AFF2: variants seen among roughly 807,000 people sequenced by gnomAD.
AFF2 encodes the protein AF4/FMR2 family member 2.
In AFF2, 14 loss-of-function variants were observed where a neutral mutation model predicts 76.9. The ratio of observed to expected loss-of-function variants is 0.18; its 90% CI spans 0.12 to 0.28. The LOEUF (loss-of-function observed/expected upper bound fraction) is 0.28, where lower values mean the gene tolerates loss of function less well. Among genes scored for constraint, AFF2 ranks in the 10% least tolerant of loss-of-function variants. The pLI is 1.00. For missense variants in AFF2, 868 were observed against 1,001.1 expected, an observed-to-expected ratio of 0.87 and a Z score of 1.79; for synonymous variants, 398 against 366.7, an observed-to-expected ratio of 1.09 and a Z score of -0.98.
intron 3 of AFF2, among the ~76,000 whole-genome samples, chrX:148,663,150 A>T (rs1483123482): frequency 8.9e-6 from 1 of 112,334 alleles, no homozygotes; most frequent in East Asian, 2.8e-4. Context: ...ATATGCCTTC[A>T]CTACTCAGTA....
intron 7 of AFF2, among the ~76,000 whole-genome samples, chrX:148,859,099 G>A (rs1275124914): frequency 9.5e-6 from 1 of 105,321 alleles, no homozygotes; most frequent in Non-Finnish European, 1.9e-5. Flanking sequence ...ATATATGTAT[G>A]TAATATGTAA....
intron 4 of AFF2, among the ~76,000 whole-genome samples, chrX:148,824,713 C>G (rs183539517): frequency 1.8e-5 from 2 of 111,481 alleles, no homozygotes; most frequent in East Asian, 5.7e-4. Context: ...CATTGGGTTG[C>G]GTGTGGCATG....
Position 148,519,302 on chromosome X carries a change from C to T in AFF2, c.47+18158C>T, listed in dbSNP as rs1333747889. ...CTCACAATGAAGAATATATGGTATT[C>T]TCCCTCTTATCTACTCACTTTCTGT... On this transcript the variant is annotated intron_variant, in intron 1 of 20. Coordinates refer to ENST00000370460, the MANE Select transcript of AFF2 (RefSeq NM_002025.4). 3.6e-5 allele frequency among the ~76,000 whole-genome samples: 4 copies of T among 112,060 alleles called. No individual in the cohort carries two copies. In the East Asian group the frequency reaches 1.1e-3, roughly 31 times the overall value.
intron 1 of AFF2, among the ~76,000 whole-genome samples, chrX:148,549,723 A>C (rs1277795158): frequency 4.5e-5 from 5 of 111,592 alleles, no homozygotes; most frequent in African/African-American, 6.5e-5. Context: ...ATAAGACAAT[A>C]GGGGTTTTGT....
At chrX:148,580,250 G>A (rs1223632325) in intron 1 of AFF2, among the ~76,000 whole-genome samples, 1 of 111,436 alleles carries the variant, frequency 9.0e-6, no homozygotes, top group Non-Finnish European at 1.9e-5. Context: ...TACTGGTTAT[G>A]AGTCAGTGAA....
intron 1 of AFF2, among the ~76,000 whole-genome samples, chrX:148,623,001 G>C (rs949806772): frequency 8.9e-6 from 1 of 111,772 alleles, no homozygotes; most frequent in Non-Finnish European, 1.9e-5. Context: ...ATGAAGCAGG[G>C]GCTTGGTAGA....
At chrX:148,855,263 G>A (rs941203363) in intron 7 of AFF2, among the ~76,000 whole-genome samples, 26 of 111,158 alleles carry the variant, frequency 2.3e-4, no homozygotes, top group African/African-American at 8.5e-4. Flanking sequence ...TGATAGTGAC[G>A]ACTGAATTGT....
intron 13 of AFF2, among the ~76,000 whole-genome samples, chrX:148,963,557 G>T (rs1213918898): frequency 1.8e-5 from 2 of 112,406 alleles, no homozygotes; most frequent in African/African-American, 6.5e-5. Flanking sequence ...GCAATTTTGT[G>T]CTCGCAGAGT....
intron 3 of AFF2, among the ~76,000 whole-genome samples, chrX:148,690,682 G>A (rs1388815526): frequency 3.6e-5 from 4 of 112,472 alleles, no homozygotes; most frequent in Non-Finnish European, 3.8e-5. Flanking sequence ...GTGCTCAGGG[G>A]CTAAACTGCC....
intron 8 of AFF2, among the ~76,000 whole-genome samples, chrX:148,901,529 G>A (rs1045790023): frequency 8.9e-6 from 1 of 111,828 alleles, no homozygotes; most frequent in Non-Finnish European, 1.9e-5. Context: ...TTGATGTTTG[G>A]TGAATTGTGC....
Position 148,978,410 on chromosome X carries a change from G to A in AFF2, c.3525G>A (p.Lys1175=). ...ATTTGAGAATGTTTAAGCTGAAGAA[G>A]GACCATGCTATGAAGTACTCCAGAT... ...LLYLRMFKLK[K]DHAMKYSRSL... is the part of the protein sequence containing the mutation. The change falls in exon 18 of 21, where the codon AAG becomes AAA. Residue 1175 remains lysine, a synonymous_variant. Transcript: ENST00000370460. The A allele has an allele frequency of 1.7e-6, 2 of 1,203,847 alleles. No homozygotes were observed. Among genetic ancestry groups the A allele is most frequent in the Non-Finnish European group, 2.3e-6 (2 of 888,221 alleles).
intron 3 of AFF2, among the ~76,000 whole-genome samples, chrX:148,778,816 AT>A (rs1234769617): frequency 1.8e-5 from 2 of 110,856 alleles, no homozygotes; most frequent in African/African-American, 6.6e-5. Context: ...GAATTCATTT[AT>A]TTTTTTGAAG....
At chrX:148,973,734 A>G (rs1399968498) in intron 16 of AFF2, 127 bp downstream of exon 16, 22 of 702,870 alleles carry the variant, frequency 3.1e-5, no homozygotes, top group Non-Finnish European at 4.3e-5. Flanking sequence ...AAGTCATCAT[A>G]ATTAGTTCTT....
intron 15 of AFF2, among the ~76,000 whole-genome samples, chrX:148,970,153 A>G (rs782761058): frequency 8.9e-6 from 1 of 112,422 alleles, no homozygotes; most frequent in African/African-American, 3.2e-5. Flanking sequence ...CCTAGTTTGC[A>G]TATATGTACA....
At chrX:148,768,248 C>T (rs2069543143) in intron 3 of AFF2, among the ~76,000 whole-genome samples, 1 of 109,110 alleles carries the variant, frequency 9.2e-6, no homozygotes, top group Non-Finnish European at 1.9e-5. Context: ...GTTCAAACTC[C>T]CTCTGTTCTG....
chrX:148,623,767 A>G (rs1413650192), intron 1 of AFF2, among the ~76,000 whole-genome samples: 1 of 110,785 alleles, frequency 9.0e-6, no homozygotes, highest in Admixed American at 9.6e-5. Context: ...TTAACATAAA[A>G]TAACCACAGA....
chrX:148,825,483 C>T (rs782714403), intron 4 of AFF2, among the ~76,000 whole-genome samples: 2 of 111,072 alleles, frequency 1.8e-5, no homozygotes, highest in East Asian at 5.7e-4. Flanking sequence ...TTTCATATTT[C>T]GACCCTTCAC....
chrX:148,795,386 G>A (rs6641466), intron 3 of AFF2, among the ~76,000 whole-genome samples: 60,606 of 109,699 alleles, frequency 0.55, 14,524 homozygotes, highest in East Asian at 0.93. Flanking sequence ...TATCATTACA[G>A]AGTAGATGTT....
intron 9 of AFF2, among the ~76,000 whole-genome samples, chrX:148,935,627 A>G (rs1417372795): frequency 1.8e-5 from 2 of 111,644 alleles, no homozygotes; most frequent in African/African-American, 6.5e-5. Context: ...TTCGTGTGAA[A>G]TTGCCTCCTC....
Sources: gnomAD v4.1 joint callset for allele counts (sites outside exome capture counted in the v4.1 genomes callset) on GRCh38, gnomAD v4.1.1 for gene constraint, MANE v1.5 for transcripts, NCBI Gene and HGNC (gene_info 2026-07-23, HGNC 2026-07-21) for gene names.